Variants in EPHA7 observed in about 807,000 individuals in gnomAD.
EPHA7 encodes the protein EPH receptor A7.
EPHA7 carries 25 observed loss-of-function variants against 112.6 expected under a neutral mutation model. That is an observed-to-expected ratio of 0.22 (90% confidence interval 0.16 to 0.31). EPHA7 has a LOEUF of 0.31. Ranked by LOEUF, EPHA7 falls within the 10% of genes least tolerant of loss-of-function variation. EPHA7 has a pLI of 1.00. For missense variants in EPHA7, 962 were observed against 1,212.6 expected (o/e 0.79, Z 3.07); for synonymous variants, 437 against 406.5 (o/e 1.07, Z -0.90).
chr6:93,317,734 C>T (rs995199404), intron 5 of EPHA7, among the ~76,000 whole-genome samples: 2 of 152,064 alleles, frequency 1.3e-5, no homozygotes, highest in African/African-American at 2.4e-5. Flanking sequence ...CACCTCCAAC[C>T]CCTTCAGCTG....
chr6:93,362,006 T>C (rs1735360551), intron 3 of EPHA7, among the ~76,000 whole-genome samples: 1 of 152,112 alleles, frequency 6.6e-6, no homozygotes, highest in Non-Finnish European at 1.5e-5. Flanking sequence ...TTTAATTACT[T>C]TTGTAAAAAT....
At chr6:93,350,261 C>T (rs2127936005) in intron 5 of EPHA7, among the ~76,000 whole-genome samples, 1 of 152,096 alleles carries the variant, frequency 6.6e-6, no homozygotes, top group African/African-American at 2.4e-5. Context: ...GTCTCCTTTT[C>T]ACTTAACAGC....
chr6:93,390,829 T>G (rs1281462567), intron 3 of EPHA7, among the ~76,000 whole-genome samples: 1 of 151,402 alleles, frequency 6.6e-6, no homozygotes, highest in African/African-American at 2.4e-5. Flanking sequence ...TGCAGGTTTA[T>G]CTCTCTCTCC....
chr6:93,356,653 A>C, intron 5 of EPHA7, 64 bp downstream of exon 5: 2 of 1,410,626 alleles, frequency 1.4e-6, no homozygotes, highest in East Asian at 2.3e-5. Flanking sequence ...CTAAATGTTC[A>C]AGTAAGACAC....
intron 6 of EPHA7, 124 bp downstream of exon 6, chr6:93,272,174 A>G: frequency 2.8e-6 from 3 of 1,068,618 alleles, no homozygotes; most frequent in Non-Finnish European, 4.1e-6. Context: ...AAATGGCTAA[A>G]ATTAACTACG....
intron 3 of EPHA7, among the ~76,000 whole-genome samples, chr6:93,405,217 A>T (rs1435694594): frequency 6.6e-6 from 1 of 151,776 alleles, no homozygotes; most frequent in African/African-American, 2.4e-5. Flanking sequence ...TTTGTTTTTC[A>T]TTCAAAATTA....
intron 7 of EPHA7, among the ~76,000 whole-genome samples, chr6:93,265,115 T>A (rs1306229324): frequency 6.6e-6 from 1 of 151,644 alleles, no homozygotes; most frequent in African/African-American, 2.4e-5. Context: ...ATACCTCATG[T>A]ATTTTTGAAG....
chr6:93,272,014 T>A (rs1441098335), intron 6 of EPHA7, among the ~76,000 whole-genome samples: 1 of 151,858 alleles, frequency 6.6e-6, no homozygotes, highest in African/African-American at 2.4e-5. Context: ...TAAAATATCC[T>A]ACATCTAATT....
intron 5 of EPHA7, among the ~76,000 whole-genome samples, chr6:93,339,871 TG>T (rs1775058841): frequency 6.6e-6 from 1 of 151,800 alleles, no homozygotes; most frequent in Admixed American, 6.6e-5. Flanking sequence ...AATACTAAAC[TG>T]GACCCTATTT....
At chr6:93,295,531 C>G (rs2127842495) in intron 5 of EPHA7, among the ~76,000 whole-genome samples, 1 of 151,406 alleles carries the variant, frequency 6.6e-6, no homozygotes, top group South Asian at 2.1e-4. Flanking sequence ...ATACATATGA[C>G]AAATATATAT....
intron 3 of EPHA7, among the ~76,000 whole-genome samples, chr6:93,369,150 AAAAG>A (rs755704521): frequency 8.1e-5 from 12 of 148,248 alleles, no homozygotes; most frequent in South Asian, 2.2e-4. Context: ...CTGGCAAAGA[AAAAG>A]AAAGAAAAGA....
chr6:93,344,924 G>A (rs993553933), intron 5 of EPHA7, among the ~76,000 whole-genome samples: 7 of 151,434 alleles, frequency 4.6e-5, no homozygotes, highest in Admixed American at 6.6e-5. Flanking sequence ...CCTCTTCCCC[G>A]GAGAGGCCAC....
chr6:93,362,527 T>A (rs1205533539), intron 3 of EPHA7, among the ~76,000 whole-genome samples: 1 of 152,126 alleles, frequency 6.6e-6, no homozygotes, highest in Non-Finnish European at 1.5e-5. Context: ...TCAAATTATT[T>A]AAATATACAA....
At chr6:93,382,831 T>G (rs1023719539) in intron 3 of EPHA7, among the ~76,000 whole-genome samples, 1 of 152,130 alleles carries the variant, frequency 6.6e-6, no homozygotes, top group Non-Finnish European at 1.5e-5. Flanking sequence ...GGTCCCAACA[T>G]AGCCAAGTCA....
intron 5 of EPHA7, among the ~76,000 whole-genome samples, chr6:93,336,405 T>C (rs1359082824): frequency 3.9e-5 from 6 of 152,012 alleles, no homozygotes; most frequent in East Asian, 1.9e-4. Context: ...TTACACTTTG[T>C]TGTTGTTGTT....
intron 5 of EPHA7, among the ~76,000 whole-genome samples, chr6:93,354,634 A>C (rs1226056610): frequency 1.4e-5 from 1 of 72,310 alleles, no homozygotes; most frequent in African/African-American, 3.8e-5. Context: ...CAAATAAAGC[A>C]AAAAAAAAAA....
At chr6:93,331,941 C>G (rs1160223425) in intron 5 of EPHA7, among the ~76,000 whole-genome samples, 5 of 151,570 alleles carry the variant, frequency 3.3e-5, no homozygotes, top group Non-Finnish European at 5.9e-5. Flanking sequence ...TTGCCTCACA[C>G]AGTTCAGTTC....
chr6:93,272,239 C>G, intron 6 of EPHA7, 59 bp downstream of exon 6: 7 of 1,597,254 alleles, frequency 4.4e-6, no homozygotes, highest in Non-Finnish European at 6.0e-6. Context: ...GTCTACAATA[C>G]AGTAGGATGA....
At chr6:93,270,129 A>C (rs902216684) in intron 6 of EPHA7, among the ~76,000 whole-genome samples, 1 of 151,660 alleles carries the variant, frequency 6.6e-6, no homozygotes, top group Non-Finnish European at 1.5e-5. Flanking sequence ...CTACTACTAT[A>C]CTGACATACC....
Sources: allele counts gnomAD v4.1 joint callset (sites outside exome capture counted in the v4.1 genomes callset), GRCh38; gene constraint gnomAD v4.1.1; transcripts MANE v1.5; gene names NCBI Gene and HGNC (gene_info 2026-07-23, HGNC 2026-07-21).